ERMP1: variants seen among roughly 807,000 people sequenced by gnomAD.
The protein encoded by ERMP1 is endoplasmic reticulum metallopeptidase 1, also known as Felix-ina.
ERMP1 carries 86 observed loss-of-function variants against 92.0 expected under a neutral mutation model. That is an observed-to-expected ratio of 0.93 (90% confidence interval 0.79 to 1.12). ERMP1 has a LOEUF of 1.12. Among genes scored for constraint, ERMP1 ranks in the 50% most tolerant of loss-of-function variants. The pLI is 0.00. For synonymous variants in ERMP1, 530 were observed against 412.8 expected (o/e 1.28, Z -3.44); for missense variants, 1,342 against 1,116.3 (o/e 1.20, Z -2.88).
intron 13 of ERMP1, among the ~76,000 whole-genome samples, chr9:5,792,619 T>A (rs184785975): frequency 2.6e-5 from 4 of 152,258 alleles, no homozygotes; most frequent in African/African-American, 7.2e-5. Flanking sequence ...ATGCAACTTA[T>A]TAAAAGGTTT....
At chr9:5,858,938 A>G (rs1224264046) in intron 6 of ERMP1, among the ~76,000 whole-genome samples, 1 of 152,198 alleles carries the variant, frequency 6.6e-6, no homozygotes, top group Non-Finnish European at 1.5e-5. Context: ...GAGTTCACCA[A>G]GTCCCTATAT....
intron 4 of ERMP1, among the ~76,000 whole-genome samples, chr9:5,822,844 T>C (rs996227917): frequency 2.0e-5 from 3 of 152,222 alleles, no homozygotes; most frequent in Non-Finnish European, 4.4e-5. Flanking sequence ...TTTTTAATTT[T>C]TGCATGTGTG....
At chr9:5,816,708 A>G (rs897897094) in intron 4 of ERMP1, among the ~76,000 whole-genome samples, 19 of 152,344 alleles carry the variant, frequency 1.2e-4, no homozygotes, top group African/African-American at 3.6e-4. Flanking sequence ...TGGAAACAAC[A>G]TAACAGCACC....
chr9:5,790,232 C>T (rs1367571049), intron 13 of ERMP1, among the ~76,000 whole-genome samples: 5 of 143,662 alleles, frequency 3.5e-5, no homozygotes, highest in South Asian at 4.3e-4. Flanking sequence ...CAGGCTGGAG[C>T]GCAGTGGCGC....
intron 5 of ERMP1, among the ~76,000 whole-genome samples, chr9:5,860,636 G>A (rs909644145): frequency 2.2e-4 from 32 of 146,368 alleles, no homozygotes; most frequent in African/African-American, 7.0e-4. Context: ...TGTAGAGATC[G>A]GGGGGTCTCA....
intron 10 of ERMP1, among the ~76,000 whole-genome samples, chr9:5,802,081 C>A (rs1262417845): frequency 3.9e-5 from 6 of 152,200 alleles, no homozygotes; most frequent in African/African-American, 1.4e-4. Flanking sequence ...TATGTGAAAT[C>A]TGAAATTGTT....
At chr9:5,834,302 C>T (rs1037624579), upstream of ERMP1, among the ~76,000 whole-genome samples, 5 of 152,182 alleles carry the variant, frequency 3.3e-5, no homozygotes, top group African/African-American at 1.2e-4. Context: ...AGTGGTACTT[C>T]CTCAAGCAAG....
chr9:5,825,982 T>C, intron 2 of ERMP1, among the ~76,000 whole-genome samples: 1 of 152,224 alleles, frequency 6.6e-6, no homozygotes, highest in East Asian at 1.9e-4. Context: ...TACCAAGGAA[T>C]TACTGTTAGG....
chr9:5,831,825 C>G (rs193135601), intron 1 of ERMP1, among the ~76,000 whole-genome samples: 15 of 152,274 alleles, frequency 9.9e-5, no homozygotes, highest in Admixed American at 9.8e-4. Context: ...CAATTCAGGC[C>G]AAAACCAACT....
At chr9:5,816,897 G>C (rs1829329801) in intron 4 of ERMP1, among the ~76,000 whole-genome samples, 1 of 147,848 alleles carries the variant, frequency 6.8e-6, no homozygotes, top group Non-Finnish European at 1.5e-5. Flanking sequence ...CAGAGCCTAT[G>C]CTTTTTTTTT....
At chr9:5,814,636 A>C (rs1443026735) in intron 4 of ERMP1, among the ~76,000 whole-genome samples, 5 of 152,228 alleles carry the variant, frequency 3.3e-5, no homozygotes, top group Admixed American at 3.3e-4. Context: ...AGGCTGAGGC[A>C]GGAGAATTGC....
chr9:5,796,930 A>ATATT (rs1369843817), intron 13 of ERMP1, among the ~76,000 whole-genome samples: 58 of 152,336 alleles, frequency 3.8e-4, no homozygotes, highest in Non-Finnish European at 8.8e-5. Flanking sequence ...GTTTTAACAA[A>ATATT]TGCACCATAC....
At chr9:5,810,994 GC>G in intron 7 of ERMP1, 116 bp downstream of exon 7, 1 of 621,580 alleles carries the variant, frequency 1.6e-6, no homozygotes, top group Non-Finnish European at 2.7e-6. Context: ...ACAATATAAA[GC>G]AAACATTGTC....
chr9:5,860,793 G>A (rs933950112), intron 5 of ERMP1, among the ~76,000 whole-genome samples: 3 of 151,662 alleles, frequency 2.0e-5, no homozygotes, highest in Non-Finnish European at 2.9e-5. Context: ...TGTTGCCCAG[G>A]CTGGTCTCAA....
At chr9:5,843,016 T>C (rs1830184732) in intron 6 of ERMP1, among the ~76,000 whole-genome samples, 1 of 152,228 alleles carries the variant, frequency 6.6e-6, no homozygotes, top group African/African-American at 2.4e-5. Context: ...GAGATTCAGA[T>C]ACAAAAAGCC....
chr9:5,801,037 G>A lies in ERMP1; in HGVS notation c.2067+139C>T. ...CTTGACAGTCAGTCTTCTCCTCACTGCCTTACACACAAAAAAGGTGAGTAT... is the reference window on the plus strand; with the variant it reads ...CTTGACAGTCAGTCTTCTCCTCACTACCTTACACACAAAAAAGGTGAGTAT... On this transcript the variant is annotated intron_variant, in intron 11 of 14. Transcript: ENST00000339450. 7 of 728,530 alleles carry A rather than the reference G, an allele frequency of 9.6e-6. 1 individual carries two copies. The South Asian group carries it at 1.4e-4, about 14-fold the overall frequency. The allele number at this position is 728,530 out of a possible 1,614,324, so 45.1% of individuals were successfully genotyped here.
chr9:5,787,417 G>A lies in ERMP1; in HGVS notation c.2550+13C>T. The A allele has an allele frequency of 6.2e-7, 1 of 1,610,778 alleles. No homozygotes were observed. The highest frequency in any genetic ancestry group is 8.5e-7 in the Non-Finnish European group (1 of 1,178,776). ...CCTAATCAATGAAACAAACAATGCT[G>A]GGAAATTGGCACCTGCACTTCTATC... On this transcript the variant is annotated intron_variant, in intron 14 of 14. Coordinates refer to ENST00000339450, the MANE Select transcript of ERMP1 (RefSeq NM_024896.3).
At chr9:5,830,278 A>G (rs930486869) in intron 2 of ERMP1, among the ~76,000 whole-genome samples, 1 of 152,158 alleles carries the variant, frequency 6.6e-6, no homozygotes. Flanking sequence ...GGCCCAGGGC[A>G]GCCAAAAGAT....
intron 5 of ERMP1, among the ~76,000 whole-genome samples, chr9:5,863,335 C>A (rs548428517): frequency 6.6e-6 from 1 of 152,202 alleles, no homozygotes; most frequent in Non-Finnish European, 1.5e-5. Flanking sequence ...TGGGATTTGG[C>A]ATATCCCAAG....
Sources: allele counts gnomAD v4.1 joint callset (sites outside exome capture counted in the v4.1 genomes callset), GRCh38; gene constraint gnomAD v4.1.1; transcripts MANE v1.5; gene names NCBI Gene and HGNC (gene_info 2026-07-23, HGNC 2026-07-21).